Variants in TMEM116 observed in about 807,000 individuals in gnomAD.
TMEM116 encodes transmembrane protein 116.
In TMEM116, 38 loss-of-function variants were observed where a neutral mutation model predicts 44.3. That is an observed-to-expected ratio of 0.86 (90% CI 0.66 to 1.12). TMEM116 has a LOEUF of 1.12. Among genes scored for constraint, TMEM116 ranks in the 50% most tolerant of loss-of-function variants. The pLI is 0.00. For missense variants in TMEM116, 354 were observed against 401.7 expected, an observed-to-expected ratio of 0.88 and a Z score of 1.01; for synonymous variants, 132 against 144.8, an observed-to-expected ratio of 0.91 and a Z score of 0.64.
At chr12:111,938,026 T>G (rs2072314167) in intron 6 of TMEM116, 135 bp downstream of exon 6, 1 of 481,408 alleles carries the variant, frequency 2.1e-6, no homozygotes, top group South Asian at 4.7e-5. Context: ...AACACGTATT[T>G]GTTGTTTCTA....
chr12:112,003,941 T>C (rs1345474673), intron 2 of TMEM116, 78 bp from the exon 3 acceptor site: 1 of 1,415,582 alleles, frequency 7.1e-7, no homozygotes, highest in East Asian at 2.9e-5. Context: ...TTTTGGGTTT[T>C]TTTTACAGTT....
At chr12:111,952,862 C>A (rs1332001945) in intron 4 of TMEM116, among the ~76,000 whole-genome samples, 1 of 152,148 alleles carries the variant, frequency 6.6e-6, no homozygotes, top group African/African-American at 2.4e-5. Flanking sequence ...ATAAACTCCC[C>A]TTTATATATA....
At chr12:111,968,712 A>T (rs903522015) in intron 4 of TMEM116, among the ~76,000 whole-genome samples, 7 of 152,220 alleles carry the variant, frequency 4.6e-5, no homozygotes, top group Admixed American at 3.3e-4. Flanking sequence ...CATCTATATT[A>T]GGCCAAGTGC....
At chr12:111,956,334 T>A (rs962161876) in intron 4 of TMEM116, among the ~76,000 whole-genome samples, 3 of 152,180 alleles carry the variant, frequency 2.0e-5, no homozygotes, top group Non-Finnish European at 2.9e-5. Context: ...AACAAAAATA[T>A]TCGTGTGTCC....
chr12:111,957,877 G>C (rs993317465), intron 4 of TMEM116, among the ~76,000 whole-genome samples: 1 of 152,238 alleles, frequency 6.6e-6, no homozygotes, highest in South Asian at 2.1e-4. Flanking sequence ...GATTGTTATT[G>C]TGTCTGTGTA....
chr12:111,978,782 C>T (rs11066112), intron 4 of TMEM116: 78,813 of 438,244 alleles, frequency 0.18, 7,708 homozygotes, highest in Middle Eastern at 0.3. Context: ...CTTCCAGCCT[C>T]CAGAACTGTA....
At chr12:111,954,646 C>T (rs570617841) in intron 4 of TMEM116, among the ~76,000 whole-genome samples, 2 of 152,314 alleles carry the variant, frequency 1.3e-5, no homozygotes, top group South Asian at 2.1e-4. Context: ...AACCCAGGTC[C>T]GATCGACTGC....
intron 3 of TMEM116, among the ~76,000 whole-genome samples, chr12:111,997,468 G>A (rs1016270541): frequency 1.8e-4 from 28 of 152,142 alleles, no homozygotes; most frequent in African/African-American, 6.5e-4. Flanking sequence ...AGCTGAGGTG[G>A]CAGGATTGCT....
intron 2 of TMEM116, 36 bp from the exon 3 acceptor site, chr12:112,003,899 G>T: frequency 6.9e-7 from 1 of 1,449,296 alleles, no homozygotes; most frequent in Non-Finnish European, 9.0e-7. Context: ...CATTAAAGCA[G>T]GACAATGGAG....
At position 111,933,794 on chromosome 12, in the gene TMEM116, C is replaced by T. The variant is rs140293163; in HGVS notation, c.733+92G>A. On this transcript the variant is annotated intron_variant, in intron 9 of 10. Coordinates refer to ENST00000552374, the MANE Select transcript of TMEM116 (RefSeq NM_001193531.2). ...TACAGGTGTGAGCCACTGTGCCCGACCTCAGCCATCCTTCTTAGTGAGACC... is the reference window on the plus strand; with the variant it reads ...TACAGGTGTGAGCCACTGTGCCCGATCTCAGCCATCCTTCTTAGTGAGACC... 6.6e-6 allele frequency: 10 copies of T among 1,519,926 alleles called. No homozygotes were observed. The South Asian group carries it at 9.9e-5, about 15-fold the overall frequency. 94.2% of individuals were successfully genotyped at this position (1,519,926 alleles called of 1,614,324 possible).
intron 4 of TMEM116, among the ~76,000 whole-genome samples, chr12:111,954,359 C>T (rs1247424090): frequency 6.6e-6 from 1 of 152,078 alleles, no homozygotes; most frequent in Non-Finnish European, 1.5e-5. Flanking sequence ...AGAAAGTAAT[C>T]GATCAGTAAG....
At chr12:111,971,511 A>C (rs2075336078) in intron 4 of TMEM116, among the ~76,000 whole-genome samples, 1 of 150,760 alleles carries the variant, frequency 6.6e-6, no homozygotes, top group Non-Finnish European at 1.5e-5. Context: ...AAAAAAAAAA[A>C]CTAAAAAATT....
At chr12:111,968,918 G>C (rs1171258371) in intron 4 of TMEM116, among the ~76,000 whole-genome samples, 1 of 150,762 alleles carries the variant, frequency 6.6e-6, no homozygotes, top group Admixed American at 6.6e-5. Context: ...GCTTCAACTC[G>C]GGAGGCGGAG....
chr12:111,937,022 T>C, intron 7 of TMEM116, 138 bp downstream of exon 7: 2 of 998,900 alleles, frequency 2.0e-6, no homozygotes, highest in Admixed American at 4.7e-5. Context: ...TTTCAGCCTT[T>C]ACTACATCTT....
At chr12:112,009,864 A>C (rs756255603) in intron 1 of TMEM116, among the ~76,000 whole-genome samples, 18 of 152,036 alleles carry the variant, frequency 1.2e-4, no homozygotes, top group Non-Finnish European at 2.4e-4. Flanking sequence ...AAAACAAAAC[A>C]AAACCTACTT....
At chr12:111,984,100 A>G (rs1329597278) in intron 4 of TMEM116, among the ~76,000 whole-genome samples, 2 of 152,204 alleles carry the variant, frequency 1.3e-5, no homozygotes, top group Non-Finnish European at 2.9e-5. Context: ...TTAATGCAGA[A>G]AAGCATTTGA....
intron 3 of TMEM116, among the ~76,000 whole-genome samples, chr12:111,996,494 T>C (rs746717592): frequency 5.9e-5 from 9 of 152,018 alleles, no homozygotes; most frequent in Non-Finnish European, 8.8e-5. Context: ...AGAAAATAAT[T>C]ACACACCCAT....
rs1241359558 is a variant in TMEM116 at position 111,964,121 on chromosome 12, A to G, written c.211-20752T>C. The stretch of plus-strand genomic sequence containing the variant: ...CACTGAACTACTTCTCTACTATATC[A>G]CCTGAATTTCAGGTTAAAAAAAAAA... On this transcript the variant is annotated intron_variant, in intron 4 of 10. Coordinates refer to ENST00000552374, the MANE Select transcript of TMEM116 (RefSeq NM_001193531.2). Among the ~76,000 whole-genome samples, 3 of 146,842 alleles carry G rather than the reference A, an allele frequency of 2.0e-5. No homozygotes were observed. The East Asian group carries it at 6.0e-4, about 29-fold the overall frequency.
chr12:112,009,737 T>A (rs543928062), intron 1 of TMEM116, among the ~76,000 whole-genome samples: 1 of 151,162 alleles, frequency 6.6e-6, no homozygotes, highest in African/African-American at 2.4e-5. Context: ...TCCCAGCTAC[T>A]CAGGAGGCTG....
Sources: allele counts gnomAD v4.1 joint callset (sites outside exome capture counted in the v4.1 genomes callset), GRCh38; gene constraint gnomAD v4.1.1; transcripts MANE v1.5; gene names NCBI Gene and HGNC (gene_info 2026-07-23, HGNC 2026-07-21).